Variants in IQGAP2 observed in about 807,000 individuals in gnomAD.
IQGAP2 encodes ras GTPase-activating-like protein IQGAP2.
Under a neutral mutation model 201.3 loss-of-function variants are expected in IQGAP2, and 173 were observed. The observed-to-expected ratio is 0.86, with a 90% CI of 0.76 to 0.98. IQGAP2 has a LOEUF of 0.98. Ranked by LOEUF, IQGAP2 falls within the 50% of genes least tolerant of loss-of-function variation. The pLI, the probability that IQGAP2 is intolerant of heterozygous loss-of-function variation, is 0.00. For missense variants in IQGAP2, 1,687 were observed against 1,864.8 expected (o/e 0.90, Z 1.76); for synonymous variants, 675 against 673.9 (o/e 1.00, Z -0.03).
intron 2 of IQGAP2, among the ~76,000 whole-genome samples, chr5:76,468,664 A>G (rs1754926048): frequency 6.6e-6 from 1 of 152,172 alleles, no homozygotes. Context: ...ACTCTGAGCA[A>G]ACTCCTTTAC....
At chr5:76,507,582 A>T (rs555495017) in intron 2 of IQGAP2, among the ~76,000 whole-genome samples, 2 of 152,260 alleles carry the variant, frequency 1.3e-5, no homozygotes, top group African/African-American at 2.4e-5. Context: ...GTGAAAGGCC[A>T]TGTCAAGAGA....
chr5:76,488,379 A>C (rs567661452), intron 2 of IQGAP2, among the ~76,000 whole-genome samples: 1 of 152,328 alleles, frequency 6.6e-6, no homozygotes, highest in South Asian at 2.1e-4. Flanking sequence ...TTTTTTTAAA[A>C]AAATTATTGG....
intron 2 of IQGAP2, among the ~76,000 whole-genome samples, chr5:76,535,090 G>C (rs563120824): frequency 6.6e-6 from 1 of 152,292 alleles, no homozygotes; most frequent in South Asian, 2.1e-4. Flanking sequence ...CCAGGTCAGG[G>C]CTGGACCTCA....
intron 16 of IQGAP2, among the ~76,000 whole-genome samples, 171 bp downstream of exon 16, chr5:76,637,347 G>A (rs1580688007): frequency 6.6e-6 from 1 of 152,280 alleles, no homozygotes; most frequent in African/African-American, 2.4e-5. Context: ...TGTTACTAAT[G>A]TACAGAATTT....
chr5:76,457,175 G>T (rs1241132750), intron 1 of IQGAP2, among the ~76,000 whole-genome samples: 1 of 151,958 alleles, frequency 6.6e-6, no homozygotes, highest in Non-Finnish European at 1.5e-5. Flanking sequence ...TTTTTGTAGA[G>T]ATGGGGCTTC....
intron 2 of IQGAP2, among the ~76,000 whole-genome samples, chr5:76,499,096 A>G (rs1400407339): frequency 6.6e-6 from 1 of 152,224 alleles, no homozygotes; most frequent in Non-Finnish European, 1.5e-5. Context: ...AAGGATTTGA[A>G]TTCTGACCAC....
At chr5:76,659,021 T>TTA (rs1489320722) in intron 21 of IQGAP2, among the ~76,000 whole-genome samples, 1 of 152,214 alleles carries the variant, frequency 6.6e-6, no homozygotes. Flanking sequence ...GACTTATGTC[T>TTA]TATATGAGGT....
chr5:76,529,461 C>G (rs887574446), intron 2 of IQGAP2, among the ~76,000 whole-genome samples: 3 of 151,978 alleles, frequency 2.0e-5, no homozygotes, highest in Non-Finnish European at 2.9e-5. Flanking sequence ...AACCCCATCT[C>G]TACTAAAAAT....
At chr5:76,460,408 C>A (rs1414109587) in intron 1 of IQGAP2, among the ~76,000 whole-genome samples, 1 of 152,028 alleles carries the variant, frequency 6.6e-6, no homozygotes, top group East Asian at 1.9e-4. Flanking sequence ...TGGGGAGATG[C>A]AAAGTGCTCT....
chr5:76,586,029 A>G (rs1459990430), intron 5 of IQGAP2, among the ~76,000 whole-genome samples: 1 of 152,224 alleles, frequency 6.6e-6, no homozygotes, highest in African/African-American at 2.4e-5. Flanking sequence ...ATTGGTTCAT[A>G]AAATATTATG....
At chr5:76,448,587 C>G (rs1401831426) in intron 1 of IQGAP2, among the ~76,000 whole-genome samples, 1 of 152,074 alleles carries the variant, frequency 6.6e-6, no homozygotes, top group Non-Finnish European at 1.5e-5. Flanking sequence ...GTGTGCTGCT[C>G]AAGGCTCTCC....
At chr5:76,672,371 T>C (rs1446296477) in intron 24 of IQGAP2, among the ~76,000 whole-genome samples, 1 of 152,136 alleles carries the variant, frequency 6.6e-6, no homozygotes, top group Non-Finnish European at 1.5e-5. Flanking sequence ...TCTGGGTGGG[T>C]GGTTGTAGAT....
intron 10 of IQGAP2, among the ~76,000 whole-genome samples, chr5:76,600,231 C>T (rs1747337481): frequency 6.6e-6 from 1 of 152,164 alleles, no homozygotes; most frequent in South Asian, 2.1e-4. Context: ...CAAAAGATCA[C>T]CTCAGATTTC....
intron 1 of IQGAP2, among the ~76,000 whole-genome samples, chr5:76,434,299 T>C (rs1752534588): frequency 1.3e-5 from 2 of 152,170 alleles, no homozygotes; most frequent in Non-Finnish European, 1.5e-5. Flanking sequence ...ACCTGAGTAG[T>C]GTACATTGTG....
intron 23 of IQGAP2, 146 bp from the exon 24 acceptor site, chr5:76,671,613 G>A (rs532778245): frequency 1.7e-6 from 1 of 578,622 alleles, no homozygotes; most frequent in South Asian, 2.1e-5. Flanking sequence ...GCTTGAACCT[G>A]GGAGGTGGAG....
intron 1 of IQGAP2, among the ~76,000 whole-genome samples, chr5:76,412,843 G>C (rs1306492181): frequency 6.6e-6 from 1 of 152,234 alleles, no homozygotes; most frequent in Non-Finnish European, 1.5e-5. Context: ...AACCTGGCAA[G>C]TTGTTTTAAT....
rs1467133448 is a variant in IQGAP2, at chr5:76,510,591, G to C, written c.146+48922G>C. ...GACACGATCTGGAAGGACCCAGACA[G>C]TGTGCCATCGATGTCCTCTAGATCA... On this transcript the variant is annotated intron_variant, in intron 2 of 35. Coordinates refer to ENST00000274364, the MANE Select transcript of IQGAP2 (RefSeq NM_006633.5). The C allele has an allele frequency of 1.4e-5, 7 of 491,498 alleles. No homozygotes were observed. In the Admixed American group the frequency reaches 1.6e-4, roughly 11 times the overall value. The allele number at this position is 491,498 out of a possible 1,614,324, so 30.4% of individuals were successfully genotyped here. A position where few individuals can be genotyped will look rare whatever the true frequency, so the allele number is the denominator to read the frequency against.
chr5:76,612,073 T>C (rs764326533), intron 13 of IQGAP2, among the ~76,000 whole-genome samples: 4 of 152,246 alleles, frequency 2.6e-5, no homozygotes, highest in Non-Finnish European at 5.9e-5. Context: ...TAGATACTCA[T>C]GTGTATCATC....
intron 9 of IQGAP2, among the ~76,000 whole-genome samples, chr5:76,595,170 T>G (rs1177451626): frequency 6.6e-6 from 1 of 151,758 alleles, no homozygotes; most frequent in Non-Finnish European, 1.5e-5. Flanking sequence ...ACCTTTCAGG[T>G]TCAGCAAATG....
Sources: allele counts gnomAD v4.1 joint callset (sites outside exome capture counted in the v4.1 genomes callset), GRCh38; gene constraint gnomAD v4.1.1; transcripts MANE v1.5; gene names NCBI Gene and HGNC (gene_info 2026-07-23, HGNC 2026-07-21).